The following FEZF1 variants were observed in gnomAD, a reference collection of about 807,000 sequenced individuals.
The protein encoded by FEZF1 is FEZ family zinc finger 1.
Under a neutral mutation model 32.4 loss-of-function variants are expected in FEZF1, and 8 were observed. The ratio of observed to expected loss-of-function variants is 0.25; its 90% CI spans 0.15 to 0.45. FEZF1 has a LOEUF of 0.45. Ranked by LOEUF, FEZF1 falls within the 20% of genes least tolerant of loss-of-function variation. FEZF1 has a pLI of 1.00. For missense variants in FEZF1, 546 were observed against 622.3 expected (o/e 0.88, Z 1.31); for synonymous variants, 259 against 265.2 (o/e 0.98, Z 0.23).
At position 122,302,620 on chromosome 7, in the gene FEZF1, C is replaced by A. The variant is rs6968240; in HGVS notation, c.1069+179G>T. On this transcript the variant is annotated intron_variant, in intron 3 of 3. Coordinates refer to ENST00000442488, the MANE Select transcript of FEZF1 (RefSeq NM_001024613.4). The surrounding 1 kb of genome is among the most constrained non-coding windows in gnomAD (Gnocchi z 4.4). ...TGAGAGCATGCAGTTAAAACATATA[C>A]CCTTGTTTTATGAATCATGCTTTTC... Among the ~76,000 whole-genome samples, 48,719 of 152,076 alleles carry A rather than the reference C, an allele frequency of 0.32. 8,876 individuals are homozygous for A. Among genetic ancestry groups the A allele is most frequent in the Non-Finnish European group, 0.41 (27,951 of 67,954 alleles).
intron 2 of FEZF1, 79 bp downstream of exon 2, chr7:122,303,098 A>G (rs2150613523): frequency 1.9e-6 from 3 of 1,594,486 alleles, no homozygotes; most frequent in South Asian, 1.1e-5. Flanking sequence ...ACGTTATCCT[A>G]AAGAGTAAGG....
At chr7:122,304,850 C>G (rs941254484), upstream of FEZF1, 1 of 157,834 alleles carries the variant, frequency 6.3e-6, no homozygotes, top group Non-Finnish European at 1.4e-5. Context: ...AGGTTCCCCG[C>G]CCAGAAAAGG....
chr7:122,303,472 G>GGGAAGGAAGGAA (rs1159831933), intron 1 of FEZF1, among the ~76,000 whole-genome samples, 161 bp from the exon 2 acceptor site: 78 of 82,016 alleles, frequency 9.5e-4, no homozygotes, highest in Non-Finnish European at 1.3e-3. Flanking sequence ...GAGCGAGGGA[G>GGGAAGGAAGGAA]GGAAGGAAGG....
At chr7:122,306,506 C>T (rs1430331125), upstream of FEZF1, 1 of 152,244 alleles carries the variant, frequency 6.6e-6, no homozygotes, top group Non-Finnish European at 1.5e-5. Context: ...CCATTCTCAA[C>T]ACATGCCAGG....
chr7:122,302,704 C>T lies in FEZF1; in HGVS notation c.1069+95G>A. 1.4e-6 allele frequency: 2 copies of T among 1,391,582 alleles called. No individual in the cohort carries two copies. The highest frequency in any genetic ancestry group is 2.0e-6 in the Non-Finnish European group (2 of 989,408). 86.2% of individuals were successfully genotyped at this position (1,391,582 alleles called of 1,614,324 possible). A position where few individuals can be genotyped will look rare whatever the true frequency, so the allele number is the denominator to read the frequency against. On this transcript the variant is annotated intron_variant, in intron 3 of 3. Coordinates refer to ENST00000442488, the MANE Select transcript of FEZF1 (RefSeq NM_001024613.4). The surrounding 1 kb of genome is among the most constrained non-coding windows in gnomAD (Gnocchi z 4.4). ...GAATGGCAACAAAAGTGCCACATAA[C>T]TACACTTTAAACATCGTCTTCTAAA... is the stretch of plus-strand genomic sequence containing the variant.
upstream of FEZF1, chr7:122,309,472 CA>C (rs1254569534): frequency 1.3e-5 from 2 of 152,058 alleles, no homozygotes; most frequent in Admixed American, 6.5e-5. Flanking sequence ...ATGAAGAGCC[CA>C]AATGTGAGAG....
upstream of FEZF1, chr7:122,307,562 T>G (rs1284148562): frequency 6.6e-6 from 1 of 152,376 alleles, no homozygotes; most frequent in East Asian, 1.9e-4. Flanking sequence ...TTCTTTGACC[T>G]CTGTAAATTT....
chr7:122,303,459 G>A lies in FEZF1; in HGVS notation c.802-148C>T, dbSNP rs932957915. 7.9e-5 allele frequency: 79 copies of A among 1,005,520 alleles called. 1 individual carries two copies. The highest frequency in any genetic ancestry group is 6.6e-4 in the Middle Eastern group (2 of 3,028). 62.3% of individuals were successfully genotyped at this position (1,005,520 alleles called of 1,614,324 possible). A position where few individuals can be genotyped will look rare whatever the true frequency, so the allele number is the denominator to read the frequency against. On this transcript the variant is annotated intron_variant, in intron 1 of 3. Transcript: ENST00000442488. ...AATACTAAAAAGGGAGGAAGGAAAG[G>A]AGGAGCGAGGGAGGGAAGGAAGGAA... is the stretch of plus-strand genomic sequence containing the variant.
upstream of FEZF1, chr7:122,305,448 C>G (rs899636166): frequency 6.6e-6 from 1 of 152,178 alleles, no homozygotes; most frequent in Admixed American, 6.5e-5. Flanking sequence ...AAAGGCAATG[C>G]CCGCGGCAAT....
Position 122,301,898 on chromosome 7 carries a change from A to T in FEZF1, c.*99T>A. 1 of 1,491,306 alleles carries T rather than the reference A, an allele frequency of 6.7e-7. No homozygotes were observed. Among genetic ancestry groups the T allele is most frequent in the Non-Finnish European group, 8.9e-7 (1 of 1,126,296 alleles). The allele number at this position is 1,491,306 out of a possible 1,614,324, so 92.4% of individuals were successfully genotyped here. ...TCGGCCCTGAAGTGTGGGGCCCAAC[A>T]TGCCCTGGGGTCTGCAGACGAACTC... On this transcript the variant is annotated 3_prime_UTR_variant, in exon 4 of 4. Transcript: ENST00000442488.
intron 1 of FEZF1, 127 bp downstream of exon 1, chr7:122,303,510 G>T (rs1352851033): frequency 7.4e-5 from 41 of 556,360 alleles, no homozygotes; most frequent in Non-Finnish European, 1.2e-4. Flanking sequence ...AGGAAGGAAG[G>T]AAGGAAGGAA....
chr7:122,303,536 A>AGGAAGGAGGGAG lies in FEZF1; in HGVS notation c.801+100_801+101insCTCCCTCCTTCC, dbSNP rs1455041615. 0.037 allele frequency: 11,955 copies of AGGAAGGAGGGAG among 324,070 alleles called. 240 individuals are homozygous for AGGAAGGAGGGAG. The highest frequency in any genetic ancestry group is 0.042 in the Non-Finnish European group (7,298 of 172,276). 20.1% of individuals were successfully genotyped at this position (324,070 alleles called of 1,614,324 possible). A position where few individuals can be genotyped will look rare whatever the true frequency, so the allele number is the denominator to read the frequency against. ...AAGGAAGGAAGGAAGGAAGGAAGGA[A>AGGAAGGAGGGAG]GGAGGGAGGGAAGGAAGGAGGGAAG... On this transcript the variant is annotated intron_variant, in intron 1 of 3. Coordinates refer to ENST00000442488, the MANE Select transcript of FEZF1 (RefSeq NM_001024613.4).
upstream of FEZF1, among the ~76,000 whole-genome samples, chr7:122,308,911 A>C (rs1466166239): frequency 6.6e-6 from 1 of 152,204 alleles, no homozygotes; most frequent in East Asian, 1.9e-4. Context: ...TTTCCTGTTT[A>C]ATACATAGCA....
intron 2 of FEZF1, 78 bp from the exon 3 acceptor site, chr7:122,303,009 A>C (rs563579586): frequency 1.3e-6 from 2 of 1,538,800 alleles, no homozygotes; most frequent in Non-Finnish European, 1.8e-6. Context: ...AAAACACAGT[A>C]ATGCTTAAAC....
intron 1 of FEZF1, 109 bp downstream of exon 1, chr7:122,303,528 A>AGGAAGGAAGGAGGGAGGGAG (rs2031133454): frequency 3.0e-6 from 1 of 333,590 alleles, no homozygotes; most frequent in East Asian, 3.2e-5. Flanking sequence ...GAAGGAAGGA[A>AGGAAGGAAGGAGGGAGGGAG]GGAAGGAAGG....
Position 122,303,233 on chromosome 7 carries a change from C to T in FEZF1, c.880G>A (p.Gly294Arg), listed in dbSNP as rs2031108188. The T allele has an allele frequency of 6.2e-7, 1 of 1,614,040 alleles. No individual in the cohort carries two copies. Among genetic ancestry groups the T allele is most frequent in the Non-Finnish European group, 8.5e-7 (1 of 1,180,040 alleles). ...GARPFVCKVC[G>R]KGFRQASTLC... is the part of the protein sequence containing the mutation. ...GTGCTTGCTTGCCTGAAACCTTTTC[C>T]GCACACTTTGCAAACGAAGGGTCTG... The change falls in exon 2 of 4, where the codon GGA becomes AGA. Residue 294 changes from glycine to arginine, a missense_variant. Transcript: ENST00000442488.
rs1359312094 is a variant in FEZF1, at chr7:122,301,959, G to A, written c.*38C>T. 1.3e-6 allele frequency: 2 copies of A among 1,545,594 alleles called. No homozygotes were observed. Among genetic ancestry groups the A allele is most frequent in the African/African-American group, 1.4e-5 (1 of 71,906 alleles). On this transcript the variant is annotated 3_prime_UTR_variant, in exon 4 of 4. Transcript: ENST00000442488. ...CTCTAGTCTGCCGCTGCCTCAGCGTGGGGGCACGGCTGAGGCTGGGAGGAC... is the reference window on the plus strand; with the variant it reads ...CTCTAGTCTGCCGCTGCCTCAGCGTAGGGGCACGGCTGAGGCTGGGAGGAC...
chr7:122,303,496 AGG>A, intron 1 of FEZF1, 139 bp downstream of exon 1: 2 of 456,656 alleles, frequency 4.4e-6, no homozygotes, highest in Non-Finnish European at 7.6e-6. Flanking sequence ...GAAGGAAGGA[AGG>A]AAGGAAGGAA....
Position 122,303,214 on chromosome 7 carries a change from G to T in FEZF1, c.899C>A (p.Ala300Glu). Reference protein sequence around the residue: ...CKVCGKGFRQASTLCRHKIIH... With the variant: ...CKVCGKGFRQESTLCRHKIIH... ...GATCTTGTGCCTGCACAGGGTGCTTGCTTGCCTGAAACCTTTTCCGCACAC... is the reference window on the plus strand; with the variant it reads ...GATCTTGTGCCTGCACAGGGTGCTTTCTTGCCTGAAACCTTTTCCGCACAC... Residue 300 changes from alanine to glutamate, a missense_variant, in exon 2 of 4, where the codon GCA (alanine) becomes GAA (glutamate). By Grantham distance (107) the Ala-to-Glu change is moderately radical. This residue lies in a region of FEZF1 where 118 missense variants were observed against 188.7 expected (regional missense o/e 0.63). Coordinates refer to ENST00000442488, the MANE Select transcript of FEZF1 (RefSeq NM_001024613.4). The T allele has an allele frequency of 6.2e-7, 1 of 1,614,166 alleles. No homozygotes were observed.
Sources: gnomAD v4.1 joint callset for allele counts (sites outside exome capture counted in the v4.1 genomes callset) on GRCh38, gnomAD v4.1.1 for gene constraint, gnomAD v4.1.1 regional missense constraint, Gnocchi (gnomAD v3.1) non-coding constraint, MANE v1.5 for transcripts, NCBI Gene and HGNC (gene_info 2026-07-23, HGNC 2026-07-21) for gene names.